Variants in GDPD4 observed in about 807,000 individuals in gnomAD.
The protein encoded by GDPD4 is glycerophosphodiester phosphodiesterase domain containing 4, also known as glycerophosphodiester phosphodiesterase 6.
Under a neutral mutation model 67.8 loss-of-function variants are expected in GDPD4, and 60 were observed. That is an observed-to-expected ratio of 0.88 (90% confidence interval 0.72 to 1.10). GDPD4 has a LOEUF of 1.10. Among genes scored for constraint, GDPD4 ranks in the 50% least tolerant of loss-of-function variants. The pLI, the probability that GDPD4 is intolerant of heterozygous loss-of-function variation, is 0.00. For missense variants in GDPD4, 623 were observed against 613.9 expected (o/e 1.01, Z -0.16); for synonymous variants, 212 against 210.9 (o/e 1.00, Z -0.04).
At chr11:77,287,799 A>G (rs1275327851) in intron 1 of GDPD4, among the ~76,000 whole-genome samples, 1 of 152,246 alleles carries the variant, frequency 6.6e-6, no homozygotes, top group African/African-American at 2.4e-5. Flanking sequence ...GGTGAGGTAC[A>G]TGAAAATACC....
chr11:77,260,074 A>T (rs1959081823), intron 10 of GDPD4, among the ~76,000 whole-genome samples: 1 of 152,032 alleles, frequency 6.6e-6, no homozygotes, highest in South Asian at 2.1e-4. Context: ...TAATCCCAAC[A>T]CTTTGGTGGG....
chr11:77,261,205 C>T (rs1325778207), intron 10 of GDPD4, among the ~76,000 whole-genome samples: 1 of 151,866 alleles, frequency 6.6e-6, no homozygotes, highest in Non-Finnish European at 1.5e-5. Flanking sequence ...CCACTGCCTG[C>T]TTCCACGTTA....
chr11:77,277,561 CCTGG>C, intron 4 of GDPD4, among the ~76,000 whole-genome samples: 2 of 151,614 alleles, frequency 1.3e-5, no homozygotes, highest in South Asian at 4.2e-4. Flanking sequence ...CGCCACCACG[CCTGG>C]CTAATTTTTT....
chr11:77,222,635 C>A (rs1371572561), intron 16 of GDPD4, among the ~76,000 whole-genome samples: 1 of 152,142 alleles, frequency 6.6e-6, no homozygotes, highest in Admixed American at 6.6e-5. Flanking sequence ...TGTGGGTAAC[C>A]CGACCTTTCT....
intron 3 of GDPD4, among the ~76,000 whole-genome samples, chr11:77,281,142 C>T (rs933152659): frequency 6.6e-6 from 1 of 152,202 alleles, no homozygotes; most frequent in Non-Finnish European, 1.5e-5. Context: ...TTTACTGGGG[C>T]AGCCTAGTCA....
chr11:77,235,409 T>G (rs1158854056), intron 13 of GDPD4, among the ~76,000 whole-genome samples: 1 of 152,084 alleles, frequency 6.6e-6, no homozygotes, highest in Non-Finnish European at 1.5e-5. Flanking sequence ...AGGGAATCAC[T>G]CTATCTGATG....
intron 11 of GDPD4, among the ~76,000 whole-genome samples, chr11:77,248,027 GACA>G (rs1419716749): frequency 9.4e-6 from 1 of 106,414 alleles, no homozygotes; most frequent in Non-Finnish European, 1.8e-5. Flanking sequence ...CTCCAGCCTG[GACA>G]ACAAGAGTGA....
intron 11 of GDPD4, among the ~76,000 whole-genome samples, chr11:77,245,770 C>G (rs568447237): frequency 2.0e-5 from 3 of 152,170 alleles, no homozygotes; most frequent in Non-Finnish European, 4.4e-5. Flanking sequence ...TCCTTTCCAG[C>G]CTTCTCTCCC....
At chr11:77,281,731 A>G (rs1366354956) in intron 3 of GDPD4, among the ~76,000 whole-genome samples, 1 of 152,202 alleles carries the variant, frequency 6.6e-6, no homozygotes, top group Admixed American at 6.5e-5. Flanking sequence ...ACAGGGTTAC[A>G]TTCTAGGAGT....
At chr11:77,255,252 A>T (rs1480934696) in intron 11 of GDPD4, among the ~76,000 whole-genome samples, 1 of 152,204 alleles carries the variant, frequency 6.6e-6, no homozygotes, top group African/African-American at 2.4e-5. Context: ...AACTGGAGAC[A>T]GTTTTGAAGA....
In GDPD4 at chr11:77,223,172, C is replaced by T. The variant is rs546336319; in HGVS notation, c.1525+4692G>A. On this transcript the variant is annotated intron_variant, in intron 16 of 16. Coordinates refer to ENST00000315938, the MANE Select transcript of GDPD4 (RefSeq NM_182833.3). ...GCAATGGGTTCGAACATCCTCCTTTCGCTTGGAGAAGTTTGTTATTACCGA... is the reference window on the plus strand; with the variant it reads ...GCAATGGGTTCGAACATCCTCCTTTTGCTTGGAGAAGTTTGTTATTACCGA... Among the ~76,000 whole-genome samples, 9 of 152,266 alleles carry T rather than the reference C, an allele frequency of 5.9e-5. No homozygotes were observed. In the South Asian group the frequency reaches 6.2e-4, roughly 11 times the overall value.
chr11:77,237,299 A>AT (rs1464178233), intron 13 of GDPD4, among the ~76,000 whole-genome samples: 1 of 152,232 alleles, frequency 6.6e-6, no homozygotes, highest in African/African-American at 2.4e-5. Context: ...TGCCTGCTGT[A>AT]TCCTTGAAAT....
chr11:77,223,530 A>C (rs1591525106), intron 16 of GDPD4, among the ~76,000 whole-genome samples: 1 of 152,160 alleles, frequency 6.6e-6, no homozygotes, highest in East Asian at 1.9e-4. Context: ...AGGCTGCAGA[A>C]CAGCAAATAT....
chr11:77,220,731 G>T (rs969811552), intron 16 of GDPD4, among the ~76,000 whole-genome samples: 1 of 152,204 alleles, frequency 6.6e-6, no homozygotes, highest in Non-Finnish European at 1.5e-5. Flanking sequence ...AAATGAGTGA[G>T]GGAGGATTCC....
chr11:77,262,180 G>C (rs969854173), intron 10 of GDPD4, among the ~76,000 whole-genome samples: 4 of 152,140 alleles, frequency 2.6e-5, no homozygotes, highest in Admixed American at 6.5e-5. Context: ...AGTAACAAAA[G>C]AACTGACACT....
At chr11:77,263,941 A>G (rs1416426948) in intron 10 of GDPD4, among the ~76,000 whole-genome samples, 1 of 152,160 alleles carries the variant, frequency 6.6e-6, no homozygotes, top group African/African-American at 2.4e-5. Context: ...GGGATCTTTC[A>G]ATCTAACTCA....
chr11:77,254,100 G>T (rs1958957361), intron 11 of GDPD4, among the ~76,000 whole-genome samples: 1 of 152,188 alleles, frequency 6.6e-6, no homozygotes, highest in South Asian at 2.1e-4. Context: ...AGATGGCATT[G>T]CGCAGTAGCC....
At chr11:77,284,463 A>C (rs1232348076) in intron 3 of GDPD4, among the ~76,000 whole-genome samples, 1 of 152,192 alleles carries the variant, frequency 6.6e-6, no homozygotes, top group African/African-American at 2.4e-5. Flanking sequence ...CTACAAAGAA[A>C]ACAACAACTG....
rs1262901695 is a variant in GDPD4, at chr11:77,217,089, G to T, written c.*188C>A. ...GTGGGCATCGGTGGTTGAATCTCAT[G>T]CTTGCCAGGCTTCAAAGGTGTGACA... On this transcript the variant is annotated 3_prime_UTR_variant, in exon 17 of 17. Coordinates refer to ENST00000315938, the MANE Select transcript of GDPD4 (RefSeq NM_182833.3). The T allele has an allele frequency of 1.4e-6, 1 of 707,530 alleles. No homozygotes were observed. The highest frequency in any genetic ancestry group is 2.0e-5 in the Admixed American group (1 of 50,054). 43.8% of individuals were successfully genotyped at this position (707,530 alleles called of 1,614,324 possible). A position where few individuals can be genotyped will look rare whatever the true frequency, so the allele number is the denominator to read the frequency against.
Sources: gnomAD v4.1 joint callset for allele counts (sites outside exome capture counted in the v4.1 genomes callset) on GRCh38, gnomAD v4.1.1 for gene constraint, MANE v1.5 for transcripts, NCBI Gene and HGNC (gene_info 2026-07-23, HGNC 2026-07-21) for gene names.